The following MTUS2 variants were observed in gnomAD, a reference collection of about 807,000 sequenced individuals.
MTUS2 encodes the protein microtubule-associated tumor suppressor candidate 2.
In MTUS2, 40 loss-of-function variants were observed where a neutral mutation model predicts 114.1. The observed-to-expected ratio is 0.35, with a 90% CI of 0.27 to 0.46. The LOEUF (loss-of-function observed/expected upper bound fraction) is 0.46, where lower values mean the gene tolerates loss of function less well. Among genes scored for constraint, MTUS2 ranks in the 20% least tolerant of loss-of-function variants. The probability of loss-of-function intolerance (pLI) is 1.00; values close to 1 mark genes in which losing one functional copy is unlikely to be tolerated. For synonymous variants in MTUS2, 688 were observed against 672.0 expected (o/e 1.02, Z -0.37); for missense variants, 1,679 against 1,705.4 (o/e 0.98, Z 0.27).
chr13:29,019,977 T>C (rs1000591516), intron 2 of MTUS2, among the ~76,000 whole-genome samples: 3 of 152,182 alleles, frequency 2.0e-5, no homozygotes, highest in African/African-American at 7.2e-5. Context: ...TGTAAATACC[T>C]GAAAGGTCAT....
At chr13:28,882,006 A>G (rs1254576739) in intron 2 of MTUS2, among the ~76,000 whole-genome samples, 1 of 152,200 alleles carries the variant, frequency 6.6e-6, no homozygotes, top group African/African-American at 2.4e-5. Context: ...TAGGATATCC[A>G]TGTGCAGAAC....
intron 5 of MTUS2, among the ~76,000 whole-genome samples, chr13:29,141,453 G>A (rs1892215539): frequency 6.6e-6 from 1 of 152,140 alleles, no homozygotes; most frequent in African/African-American, 2.4e-5. Flanking sequence ...TTGGAGAGGT[G>A]CAGATAATTC....
At chr13:29,121,413 C>T (rs1253509070) in intron 5 of MTUS2, among the ~76,000 whole-genome samples, 1 of 148,692 alleles carries the variant, frequency 6.7e-6, no homozygotes, top group Non-Finnish European at 1.5e-5. Context: ...TTCCCTATAT[C>T]AAATTAATTT....
chr13:29,122,373 T>G (rs1891345093), intron 5 of MTUS2, among the ~76,000 whole-genome samples: 1 of 152,120 alleles, frequency 6.6e-6, no homozygotes, highest in Non-Finnish European at 1.5e-5. Flanking sequence ...CTCAGGAAAC[T>G]TACAATTATA....
chr13:29,492,081 TATGTGAATGC>T (rs1882181286), intron 11 of MTUS2, among the ~76,000 whole-genome samples: 3 of 148,710 alleles, frequency 2.0e-5, no homozygotes, highest in African/African-American at 5.0e-5. Context: ...GTGCCATGTG[TATGTGAATGC>T]GTGGTAGGTG....
chr13:29,125,578 C>G (rs1891479220), intron 5 of MTUS2, among the ~76,000 whole-genome samples: 1 of 152,226 alleles, frequency 6.6e-6, no homozygotes, highest in Admixed American at 6.5e-5. Flanking sequence ...CGGTTTCATG[C>G]AGCCACTCCT....
At chr13:28,994,673 G>A (rs2138352209) in intron 2 of MTUS2, among the ~76,000 whole-genome samples, 1 of 152,278 alleles carries the variant, frequency 6.6e-6, no homozygotes, top group Middle Eastern at 3.4e-3. Flanking sequence ...GTTTTTTCAT[G>A]TGTTTTTTGG....
intron 2 of MTUS2, among the ~76,000 whole-genome samples, chr13:29,019,458 G>C (rs1886205644): frequency 6.6e-6 from 1 of 152,204 alleles, no homozygotes; most frequent in Admixed American, 6.5e-5. Flanking sequence ...ATGGATTGCA[G>C]ATATTTTCGA....
chr13:28,949,652 C>T (rs1298220009), intron 2 of MTUS2, among the ~76,000 whole-genome samples: 2 of 152,158 alleles, frequency 1.3e-5, no homozygotes, highest in Admixed American at 6.5e-5. Flanking sequence ...CACCATTCTA[C>T]TCTGTCTCTA....
At chr13:29,498,871 G>T (rs1882716577) in intron 14 of MTUS2, among the ~76,000 whole-genome samples, 1 of 152,144 alleles carries the variant, frequency 6.6e-6, no homozygotes, top group Non-Finnish European at 1.5e-5. Flanking sequence ...CCCAGACACT[G>T]CACGGAGCAC....
At chr13:29,493,707 A>G (rs1043719543) in intron 12 of MTUS2, among the ~76,000 whole-genome samples, 1 of 152,198 alleles carries the variant, frequency 6.6e-6, no homozygotes, top group Non-Finnish European at 1.5e-5. Flanking sequence ...AATGAACCCC[A>G]GACTGCCTTC....
intron 5 of MTUS2, among the ~76,000 whole-genome samples, chr13:29,252,248 A>C (rs1897146805): frequency 6.6e-6 from 1 of 152,150 alleles, no homozygotes; most frequent in Non-Finnish European, 1.5e-5. Flanking sequence ...ATTAGTGGAG[A>C]AGTACTTCCA....
chr13:29,488,082 C>G (rs1881765088), intron 11 of MTUS2, 77 bp downstream of exon 11: 1 of 1,108,600 alleles, frequency 9.0e-7, no homozygotes, highest in African/African-American at 1.5e-5. Flanking sequence ...ATGTGTGGAG[C>G]CCCCCTTCCT....
At chr13:29,313,134 T>C (rs755833037) in intron 6 of MTUS2, among the ~76,000 whole-genome samples, 21 of 152,032 alleles carry the variant, frequency 1.4e-4, no homozygotes, top group Non-Finnish European at 2.9e-4. Context: ...CCCCAGAGCT[T>C]TAGAACAGCA....
At chr13:29,351,030 A>G (rs924148739) in intron 7 of MTUS2, among the ~76,000 whole-genome samples, 1 of 150,062 alleles carries the variant, frequency 6.7e-6, no homozygotes, top group African/African-American at 2.5e-5. Context: ...GGGTATGTAC[A>G]TGAAGGGGCA....
chr13:28,993,564 T>C (rs1009696542), intron 2 of MTUS2, among the ~76,000 whole-genome samples: 5 of 152,204 alleles, frequency 3.3e-5, no homozygotes, highest in Non-Finnish European at 7.3e-5. Flanking sequence ...AAATCTTTAA[T>C]CCATCTTGAG....
chr13:29,221,477 A>T (rs1895906175), intron 5 of MTUS2, among the ~76,000 whole-genome samples: 1 of 152,100 alleles, frequency 6.6e-6, no homozygotes. Flanking sequence ...TAGCCTGAGT[A>T]CATTTTTTAT....
intron 10 of MTUS2, among the ~76,000 whole-genome samples, chr13:29,486,470 G>A (rs1206438487): frequency 6.6e-6 from 1 of 152,146 alleles, no homozygotes; most frequent in Non-Finnish European, 1.5e-5. Flanking sequence ...CAGATCAAAG[G>A]TTAGCCTGTG....
At chr13:29,268,852 C>T (rs1897768946) in intron 5 of MTUS2, among the ~76,000 whole-genome samples, 1 of 152,178 alleles carries the variant, frequency 6.6e-6, no homozygotes. Flanking sequence ...ACCTCAGCCT[C>T]CTGAGTAGCT....
Sources: gnomAD v4.1 joint callset for allele counts (sites outside exome capture counted in the v4.1 genomes callset) on GRCh38, gnomAD v4.1.1 for gene constraint, MANE v1.5 for transcripts, NCBI Gene and HGNC (gene_info 2026-07-23, HGNC 2026-07-21) for gene names.